Variants in ATP9A observed in about 807,000 individuals in gnomAD.
ATP9A encodes ATPase phospholipid transporting 9A, also known as probable phospholipid-transporting ATPase IIA.
ATP9A carries 52 observed loss-of-function variants against 144.1 expected under a neutral mutation model. The ratio of observed to expected loss-of-function variants is 0.36; its 90% CI spans 0.29 to 0.45. ATP9A has a LOEUF of 0.45. Among genes scored for constraint, ATP9A ranks in the 20% least tolerant of loss-of-function variants. The pLI, the probability that ATP9A is intolerant of heterozygous loss-of-function variation, is 1.00. For synonymous variants in ATP9A, 582 were observed against 557.4 expected, an observed-to-expected ratio of 1.04 and a Z score of -0.62; for missense variants, 947 against 1,392.7, an observed-to-expected ratio of 0.68 and a Z score of 5.09.
At chr20:51,649,364 C>T (rs571226825) in intron 14 of ATP9A, among the ~76,000 whole-genome samples, 1 of 152,164 alleles carries the variant, frequency 6.6e-6, no homozygotes. Flanking sequence ...GCCAGCTATG[C>T]GACCATGGGA....
At chr20:51,727,650 G>A (rs2077720853) in intron 2 of ATP9A, among the ~76,000 whole-genome samples, 1 of 152,026 alleles carries the variant, frequency 6.6e-6, no homozygotes, top group Non-Finnish European at 1.5e-5. Flanking sequence ...AAAGTTAAAT[G>A]GCCGCACACA....
intron 13 of ATP9A, among the ~76,000 whole-genome samples, chr20:51,664,159 C>T (rs1284184790): frequency 2.0e-5 from 3 of 151,936 alleles, no homozygotes; most frequent in African/African-American, 7.3e-5. Context: ...GGATTACAGG[C>T]ATGAGCTACC....
intron 1 of ATP9A, among the ~76,000 whole-genome samples, chr20:51,747,179 GAA>G (rs145728790): frequency 1.5e-4 from 23 of 149,840 alleles, no homozygotes; most frequent in African/African-American, 5.7e-4. Flanking sequence ...AGCGAAGTCT[GAA>G]GTCTGAACAC....
chr20:51,700,214 T>C (rs913826123), intron 4 of ATP9A, among the ~76,000 whole-genome samples: 2 of 152,100 alleles, frequency 1.3e-5, no homozygotes, highest in Admixed American at 1.3e-4. Flanking sequence ...GAACATCCAA[T>C]TAGATGATTA....
chr20:51,743,701 C>A (rs1488857520), intron 1 of ATP9A, among the ~76,000 whole-genome samples: 8 of 136,392 alleles, frequency 5.9e-5, no homozygotes, highest in African/African-American at 2.2e-4. Flanking sequence ...CCGTGCCCAG[C>A]CCAAATCCTT....
chr20:51,729,690 A>G, intron 2 of ATP9A, 144 bp downstream of exon 2: 1 of 891,608 alleles, frequency 1.1e-6, no homozygotes. Flanking sequence ...GGTTGCAGTG[A>G]GCCAAGATTG....
At chr20:51,674,985 T>C (rs1005705522) in intron 10 of ATP9A, among the ~76,000 whole-genome samples, 2 of 152,166 alleles carry the variant, frequency 1.3e-5, no homozygotes, top group African/African-American at 2.4e-5. Context: ...CTAATTTTTG[T>C]ATTTTTAGTA....
At chr20:51,713,769 T>A (rs947909595) in intron 3 of ATP9A, among the ~76,000 whole-genome samples, 1 of 152,192 alleles carries the variant, frequency 6.6e-6, no homozygotes, top group Admixed American at 6.6e-5. Context: ...CCCATTCATA[T>A]AAATAGCAAC....
chr20:51,699,591 A>G (rs1270146094), intron 4 of ATP9A, among the ~76,000 whole-genome samples: 2 of 152,156 alleles, frequency 1.3e-5, no homozygotes, highest in African/African-American at 2.4e-5. Context: ...TCATTAAACA[A>G]TAAGTAGAAC....
intron 8 of ATP9A, among the ~76,000 whole-genome samples, 181 bp from the exon 9 acceptor site, chr20:51,689,320 T>C (rs2077537110): frequency 6.6e-6 from 1 of 152,002 alleles, no homozygotes; most frequent in Non-Finnish European, 1.5e-5. Flanking sequence ...CTACTGCCCT[T>C]GGGGTTTTCA....
chr20:51,625,241 T>C lies in ATP9A; in HGVS notation c.1967A>G (p.Gln656Arg), dbSNP rs377209517. The C allele has an allele frequency of 6.2e-7, 1 of 1,614,116 alleles. No homozygotes were observed. Among genetic ancestry groups the C allele is most frequent in the African/African-American group, 1.3e-5 (1 of 75,068 alleles). ...LCLTGVEDQLQADVRPTLETL... is the reference protein window; with the variant it reads ...LCLTGVEDQLRADVRPTLETL... ...CTCCAGCGTGGGCCGCACATCTGCC[T>C]GCAGCTGGTCCTCCACGCCCGTCAG... Residue 656 changes from glutamine to arginine, a missense_variant, in exon 18 of 28, where the codon CAG (glutamine) becomes CGG (arginine). By Grantham distance (43) the Gln-to-Arg change is conservative. Transcript: ENST00000338821.
chr20:51,653,273 C>T (rs2044380160), intron 14 of ATP9A, among the ~76,000 whole-genome samples: 1 of 151,690 alleles, frequency 6.6e-6, no homozygotes, highest in Non-Finnish European at 1.5e-5. Context: ...AGATAAAGTA[C>T]CATTCACTTT....
At chr20:51,754,635 T>C (rs1013666637) in intron 1 of ATP9A, among the ~76,000 whole-genome samples, 1 of 146,916 alleles carries the variant, frequency 6.8e-6, no homozygotes, top group Non-Finnish European at 1.5e-5. Flanking sequence ...CCAACATGGC[T>C]AAACCCTGTG....
rs773412527 is a variant in ATP9A, at chr20:51,607,535, A to G, written c.2795T>C (p.Ile932Thr). ...TCTCCACTCATCCTTACCTTGATAGATGCTAATCAAAACCCATATTAAGAA... is the reference window on the plus strand; with the variant it reads ...TCTCCACTCATCCTTACCTTGATAGGTGCTAATCAAAACCCATATTAAGAA... ...KTFLIWVLIS[I>T]YQGSTIMYGA... The change falls in exon 26 of 28, where the codon ATC becomes ACC. Residue 932 changes from isoleucine to threonine, a missense_variant. Physicochemically the swap from Ile to Thr is moderately conservative, Grantham distance 89 (BLOSUM62 -1). This residue lies in a region of ATP9A where 177 missense variants were observed against 344.9 expected (regional missense o/e 0.51). Transcript: ENST00000338821. The G allele has an allele frequency of 6.2e-7, 1 of 1,612,170 alleles. No homozygotes were observed. Among genetic ancestry groups the G allele is most frequent in the South Asian group, 1.1e-5 (1 of 90,860 alleles).
At chr20:51,620,052 G>A (rs983865066) in intron 19 of ATP9A, among the ~76,000 whole-genome samples, 21 of 152,110 alleles carry the variant, frequency 1.4e-4, no homozygotes, top group African/African-American at 5.1e-4. Flanking sequence ...AAAGGCACAT[G>A]GCTAGTATGC....
At chr20:51,659,210 CTTGCCTTCCCG>C (rs971093868) in intron 13 of ATP9A, among the ~76,000 whole-genome samples, 2 of 152,170 alleles carry the variant, frequency 1.3e-5, no homozygotes, top group African/African-American at 4.8e-5. Context: ...TGGCACTCCA[CTTGCCTTCCCG>C]TTGCAAGTCA....
chr20:51,705,046 A>G (rs1601116326), intron 4 of ATP9A, among the ~76,000 whole-genome samples: 1 of 152,208 alleles, frequency 6.6e-6, no homozygotes, highest in East Asian at 1.9e-4. Context: ...ATCATAATGC[A>G]TATCTTAGTG....
At chr20:51,677,334 C>T (rs537009959) in intron 9 of ATP9A, among the ~76,000 whole-genome samples, 2 of 152,252 alleles carry the variant, frequency 1.3e-5, no homozygotes, top group Admixed American at 6.5e-5. Context: ...CACTGAAAAC[C>T]CTTTGAGTTT....
chr20:51,633,923 G>GGA (rs1465266101), intron 15 of ATP9A, among the ~76,000 whole-genome samples: 1 of 150,856 alleles, frequency 6.6e-6, no homozygotes, highest in African/African-American at 2.4e-5. Context: ...AGGGAGGGAG[G>GGA]GAGAGAGAGA....
Sources: gnomAD v4.1 joint callset for allele counts (sites outside exome capture counted in the v4.1 genomes callset) on GRCh38, gnomAD v4.1.1 for gene constraint, gnomAD v4.1.1 regional missense constraint, MANE v1.5 for transcripts, NCBI Gene and HGNC (gene_info 2026-07-23, HGNC 2026-07-21) for gene names.